Variants in SYNJ1 observed in about 807,000 individuals in gnomAD.
The protein encoded by SYNJ1 is polyphosphatidylinositol phosphatase SYNJ1.
SYNJ1 carries 78 observed loss-of-function variants against 168.2 expected under a neutral mutation model. The observed-to-expected ratio is 0.46, with a 90% CI of 0.39 to 0.56. The LOEUF (loss-of-function observed/expected upper bound fraction) is 0.56, where lower values mean the gene tolerates loss of function less well. Ranked by LOEUF, SYNJ1 falls within the 20% of genes least tolerant of loss-of-function variation. SYNJ1 has a pLI of 0.00. For synonymous variants in SYNJ1, 539 were observed against 548.6 expected (o/e 0.98, Z 0.24); for missense variants, 1,303 against 1,597.6 (o/e 0.82, Z 3.14).
intron 2 of SYNJ1, among the ~76,000 whole-genome samples, chr21:32,710,192 G>A (rs1299476942): frequency 1.3e-5 from 2 of 151,880 alleles, no homozygotes; most frequent in African/African-American, 2.4e-5. Flanking sequence ...AGAACAAGAT[G>A]CCTTCTCAAA....
intron 21 of SYNJ1, 119 bp downstream of exon 21, chr21:32,656,568 C>T: frequency 2.5e-6 from 2 of 794,800 alleles, no homozygotes; most frequent in South Asian, 3.9e-5. Context: ...ATATACTAAA[C>T]ACTAAATAAG....
chr21:32,702,006 CT>C lies in SYNJ1; in HGVS notation c.165del (p.Val56TyrfsTer8). ...CCTAAGAGTCCATATGCATCCAGTACTTTGGAGTATGTACCCTTGATTGCCT... is the reference window on the plus strand; with the variant it reads ...CCTAAGAGTCCATATGCATCCAGTACTTGGAGTATGTACCCTTGATTGCCT... ...EKEAIKGTYSKVLDAYGLLGV... is the reference protein window; with the variant it reads ...EKEAIKGTYSXVLDAYGLLGV... On this transcript the variant is annotated frameshift_variant, in exon 3 of 33. Coordinates refer to ENST00000674351, the MANE Select transcript of SYNJ1 (RefSeq NM_203446.3). LOFTEE classifies it high-confidence loss of function. The C allele has an allele frequency of 6.3e-7, 1 of 1,579,532 alleles. No individual in the cohort carries two copies. The highest frequency in any genetic ancestry group is 1.2e-5 in the South Asian group (1 of 84,648).
chr21:32,695,930 T>C (rs1204109642), intron 4 of SYNJ1, among the ~76,000 whole-genome samples: 4 of 151,858 alleles, frequency 2.6e-5, no homozygotes, highest in African/African-American at 9.7e-5. Context: ...CACTGCAAGC[T>C]CTGCCTCCCA....
At chr21:32,665,393 C>CA (rs1490220713) in intron 17 of SYNJ1, among the ~76,000 whole-genome samples, 1 of 152,216 alleles carries the variant, frequency 6.6e-6, no homozygotes, top group Non-Finnish European at 1.5e-5. Flanking sequence ...AGACTGAACT[C>CA]AAAGTCATCC....
intron 13 of SYNJ1, among the ~76,000 whole-genome samples, chr21:32,674,786 C>T (rs888852668): frequency 6.6e-6 from 1 of 152,156 alleles, no homozygotes; most frequent in African/African-American, 2.4e-5. Context: ...ACTACTTTCA[C>T]CTTTTACCAC....
chr21:32,665,618 A>C (rs1178498161), intron 17 of SYNJ1, among the ~76,000 whole-genome samples: 2 of 152,214 alleles, frequency 1.3e-5, no homozygotes. Context: ...ACCAGTGTAC[A>C]TCATACACAT....
chr21:32,645,816 A>T lies in SYNJ1; in HGVS notation c.3248-27T>A, dbSNP rs925969869. 1.3e-5 allele frequency: 20 copies of T among 1,503,872 alleles called. No homozygotes were observed. In the Admixed American group the frequency reaches 4.4e-4, roughly 33 times the overall value. 93.2% of individuals were successfully genotyped at this position (1,503,872 alleles called of 1,614,324 possible). On this transcript the variant is annotated intron_variant, in intron 24 of 32. Transcript: ENST00000674351. ...TAAAAAGCGCACAGGAGGTAAGAAG[A>T]TCAGCTTCTAAGTAGCTGTTGACAG... is the stretch of plus-strand genomic sequence containing the variant.
chr21:32,670,602 A>T (rs555000018), intron 14 of SYNJ1, among the ~76,000 whole-genome samples: 8 of 152,328 alleles, frequency 5.3e-5, no homozygotes, highest in Non-Finnish European at 1.0e-4. Flanking sequence ...GAAGATTCTT[A>T]AGCCCTTTCA....
intron 2 of SYNJ1, among the ~76,000 whole-genome samples, chr21:32,705,812 C>T (rs2042586804): frequency 6.6e-6 from 1 of 152,004 alleles, no homozygotes. Flanking sequence ...GTGGCGAGAC[C>T]CTGTCTCTAC....
At chr21:32,696,048 G>A (rs868530044) in intron 4 of SYNJ1, among the ~76,000 whole-genome samples, 4 of 152,018 alleles carry the variant, frequency 2.6e-5, no homozygotes, top group Middle Eastern at 3.4e-3. Flanking sequence ...GGGTTTCCCC[G>A]TGTTAGTGTT....
rs2042124873 is a variant in SYNJ1 at position 32,694,238 on chromosome 21, G to A, written c.779C>T (p.Pro260Leu). ...ATGTCAAACACATACTTGCAACCCT[G>A]GTTGCTCCCAGAACAATGGAACAGA... ...RGSVPLFWEQPGLQVGSHRVR... is the reference protein window; with the variant it reads ...RGSVPLFWEQLGLQVGSHRVR... The change falls in exon 6 of 33, where the codon CCA (proline) becomes CTA (leucine). Residue 260 changes from proline to leucine, a missense_variant. Transcript: ENST00000674351. The A allele has an allele frequency of 6.5e-7, 1 of 1,536,904 alleles. No homozygotes were observed. The highest frequency in any genetic ancestry group is 1.4e-5 in the African/African-American group (1 of 70,294).
rs1344380449 is a variant in SYNJ1 at position 32,681,620 on chromosome 21, C to T, written c.1229G>A (p.Gly410Asp). Reference sequence around the variant, plus strand: ...CACCAACTGAGGCTTTTCAGCTAAACCAAGAGCTTCCAACTGTTTAGCTAG... The same window carrying T: ...CACCAACTGAGGCTTTTCAGCTAAATCAAGAGCTTCCAACTGTTTAGCTAG... ...EMLAKQLEAL[G>D]LAEKPQLVTR... The change falls in exon 11 of 33, where the codon GGT becomes GAT. Residue 410 changes from glycine to aspartate, a missense_variant. Physicochemically the swap from Gly to Asp is moderately conservative, Grantham distance 94. Around this residue, in one of 2 missense-constraint regions of SYNJ1, gnomAD observed 920 missense variants for 1,208.8 expected, o/e 0.76. Transcript: ENST00000674351. 9.3e-6 allele frequency: 15 copies of T among 1,613,658 alleles called. No individual in the cohort carries two copies. The highest frequency in any genetic ancestry group is 1.1e-5 in the Non-Finnish European group (13 of 1,179,756).
At chr21:32,721,686 A>C (rs539898352) in intron 2 of SYNJ1, among the ~76,000 whole-genome samples, 89 of 152,340 alleles carry the variant, frequency 5.8e-4, no homozygotes, top group African/African-American at 1.3e-3. Flanking sequence ...CTTGGAAAAA[A>C]AAAAAAAGTA....
At chr21:32,641,591 A>G (rs945777636) in intron 29 of SYNJ1, among the ~76,000 whole-genome samples, 2 of 152,248 alleles carry the variant, frequency 1.3e-5, no homozygotes, top group African/African-American at 4.8e-5. Context: ...TTACTCAGGT[A>G]AAATGATAAA....
intron 6 of SYNJ1, among the ~76,000 whole-genome samples, chr21:32,689,627 G>A (rs1187294308): frequency 6.6e-6 from 1 of 152,192 alleles, no homozygotes. Flanking sequence ...TAAAAGGGGG[G>A]TTGTCAAATC....
At chr21:32,700,394 C>G (rs572535134) in intron 3 of SYNJ1, among the ~76,000 whole-genome samples, 1 of 152,184 alleles carries the variant, frequency 6.6e-6, no homozygotes, top group Non-Finnish European at 1.5e-5. Flanking sequence ...GTGGCTCACG[C>G]CTGTAATCCC....
At chr21:32,667,267 C>G (rs950064118) in intron 15 of SYNJ1, among the ~76,000 whole-genome samples, 2 of 152,104 alleles carry the variant, frequency 1.3e-5, no homozygotes, top group African/African-American at 4.8e-5. Context: ...CATTTCCCCA[C>G]TTTTCAAAAT....
intron 2 of SYNJ1, among the ~76,000 whole-genome samples, chr21:32,703,413 G>A (rs1349510555): frequency 1.3e-5 from 2 of 152,100 alleles, no homozygotes; most frequent in East Asian, 1.9e-4. Context: ...CAACCCAAAT[G>A]TAAAACATTA....
intron 13 of SYNJ1, among the ~76,000 whole-genome samples, chr21:32,675,754 A>G (rs2041382398): frequency 6.6e-6 from 1 of 152,220 alleles, no homozygotes; most frequent in Admixed American, 6.5e-5. Context: ...AAAATAATAA[A>G]TAGTCTTTAG....
Sources: allele counts gnomAD v4.1 joint callset (sites outside exome capture counted in the v4.1 genomes callset), GRCh38; gene constraint gnomAD v4.1.1; regional missense constraint gnomAD v4.1.1; transcripts MANE v1.5; gene names NCBI Gene and HGNC (gene_info 2026-07-23, HGNC 2026-07-21).